The following GRWD1 variants were observed in gnomAD, a reference collection of about 807,000 sequenced individuals.
GRWD1 encodes the protein glutamate-rich WD repeat-containing protein 1.
In GRWD1, 29 loss-of-function variants were observed where a neutral mutation model predicts 45.3. The observed-to-expected ratio is 0.64, with a 90% CI of 0.48 to 0.87. GRWD1 has a LOEUF of 0.87. Among genes scored for constraint, GRWD1 ranks in the 40% least tolerant of loss-of-function variants. The probability of loss-of-function intolerance (pLI) is 0.00; values close to 1 mark genes in which losing one functional copy is unlikely to be tolerated. For missense variants in GRWD1, 592 were observed against 618.8 expected, an observed-to-expected ratio of 0.96 and a Z score of 0.46; for synonymous variants, 262 against 257.6, an observed-to-expected ratio of 1.02 and a Z score of -0.16.
chr19:48,447,443 A>G (rs1447976414), intron 3 of GRWD1, among the ~76,000 whole-genome samples: 1 of 151,144 alleles, frequency 6.6e-6, no homozygotes, highest in Non-Finnish European at 1.5e-5. Flanking sequence ...GGGTTTCACA[A>G]TGTTGATCAG....
At position 48,450,723 on chromosome 19, in the gene GRWD1, G is replaced by A. The variant is rs1569079124; in HGVS notation, c.740G>A (p.Gly247Asp). Residue 247 changes from glycine to aspartate, a missense_variant, in exon 5 of 7, where the codon GGC becomes GAC. Physicochemically the swap from Gly to Asp is moderately conservative, Grantham distance 94 (BLOSUM62 -1). Coordinates refer to ENST00000253237, the MANE Select transcript of GRWD1 (RefSeq NM_031485.4). This position sits in a 1 kb window ranked among gnomAD's most constrained non-coding sequence, Gnocchi z 5.1. The part of the protein sequence containing the change: ...KNIHLWTPTD[G>D]GSWHVDQRPF... ...ATCCACCTCTGGACACCTACGGACG[G>A]CGGCTCCTGGCACGTGGACCAGCGG... The A allele has an allele frequency of 6.2e-7, 1 of 1,614,094 alleles. No homozygotes were observed. The highest frequency in any genetic ancestry group is 8.5e-7 in the Non-Finnish European group (1 of 1,180,034).
At chr19:48,448,759 CG>C (rs1434341279) in intron 3 of GRWD1, among the ~76,000 whole-genome samples, 11 of 152,104 alleles carry the variant, frequency 7.2e-5, no homozygotes, top group Non-Finnish European at 1.5e-4. Flanking sequence ...TCAAGTGAAG[CG>C]GGAGTGTCCA....
intron 3 of GRWD1, among the ~76,000 whole-genome samples, chr19:48,447,322 C>G (rs1400629850): frequency 6.6e-6 from 1 of 152,120 alleles, no homozygotes; most frequent in African/African-American, 2.4e-5. Flanking sequence ...TCTCAGCTCA[C>G]TGCAACCTCT....
Position 48,450,894 on chromosome 19 carries a change from C to T in GRWD1, c.825+86C>T. 1.3e-6 allele frequency: 2 copies of T among 1,515,498 alleles called. No individual in the cohort carries two copies. The highest frequency in any genetic ancestry group is 1.9e-5 in the Admixed American group (1 of 51,292). The allele number at this position is 1,515,498 out of a possible 1,614,324, so 93.9% of individuals were successfully genotyped here. A position where few individuals can be genotyped will look rare whatever the true frequency, so the allele number is the denominator to read the frequency against. On this transcript the variant is annotated intron_variant, in intron 5 of 6. Coordinates refer to ENST00000253237, the MANE Select transcript of GRWD1 (RefSeq NM_031485.4). This position sits in a 1 kb window ranked among gnomAD's most constrained non-coding sequence, Gnocchi z 5.1. ...ATCCTAGGTCTGAGGGAAAAGAGGG[C>T]TGGGAGCCTGACGGAGGTTTAGTTT...
rs1021760723 is a variant in GRWD1, at chr19:48,455,373, G to A, written c.*2348G>A. The A allele has an allele frequency of 6.9e-6, 1 of 145,334 alleles. No individual in the cohort carries two copies. The highest frequency in any genetic ancestry group is 2.5e-5 in the African/African-American group (1 of 40,312). The allele number at this position is 145,334 out of a possible 1,614,324, so 9.0% of individuals were successfully genotyped here. A position where few individuals can be genotyped will look rare whatever the true frequency, so the allele number is the denominator to read the frequency against. ...CCCCTGGTTTCGGAAGAGTGAGAGT[G>A]TTGATTTGGGAGGGTGAGGGTGGGG... On this transcript the variant is annotated 3_prime_UTR_variant, in exon 7 of 7. Coordinates refer to ENST00000253237, the MANE Select transcript of GRWD1 (RefSeq NM_031485.4).
At position 48,454,239 on chromosome 19, in the gene GRWD1, CTG is replaced by C. The variant is rs374272933; in HGVS notation, c.*1218_*1219del. 3 of 152,310 alleles carry C rather than the reference CTG, an allele frequency of 2.0e-5. No homozygotes were observed. The highest frequency in any genetic ancestry group is 2.9e-5 in the Non-Finnish European group (2 of 68,146). The allele number at this position is 152,310 out of a possible 1,614,324, so 9.4% of individuals were successfully genotyped here. On this transcript the variant is annotated 3_prime_UTR_variant, in exon 7 of 7. Transcript: ENST00000253237. ...TTTATCACGTTTCTTTCTTTCTTCTCTGTGTCCCCCTCTTTCAGAGTCTCCCG... is the reference window on the plus strand; with the variant it reads ...TTTATCACGTTTCTTTCTTTCTTCTCTGTCCCCCTCTTTCAGAGTCTCCCG...
Position 48,446,425 on chromosome 19 carries a change from GGGAGACAACC to G in GRWD1, c.232_241del (p.Asp78GlnfsTer23). The G allele has an allele frequency of 6.2e-7, 1 of 1,614,156 alleles. No individual in the cohort carries two copies. The highest frequency in any genetic ancestry group is 8.5e-7 in the Non-Finnish European group (1 of 1,180,034). On this transcript the variant is annotated frameshift_variant, in exon 2 of 7. Coordinates refer to ENST00000253237, the MANE Select transcript of GRWD1 (RefSeq NM_031485.4). LOFTEE classifies it high-confidence loss of function. ...GCTTTGACATAGTCCGGGATCACCT[GGGAGACAACC>G]GGACAGAGCTTCCTCTTACACTTTA... is the stretch of plus-strand genomic sequence containing the variant.
At chr19:48,446,228 G>A (rs751513065) in intron 1 of GRWD1, 36 bp downstream of exon 1, 1 of 1,581,782 alleles carries the variant, frequency 6.3e-7, no homozygotes, top group Non-Finnish European at 8.6e-7. Context: ...TCCTGAGGTG[G>A]CTGATCCCGA....
In GRWD1 at chr19:48,451,042, C is replaced by T. The variant is rs1176389367; in HGVS notation, c.834C>T (p.Ala278=). Residue 278 remains alanine (A), a synonymous_variant, in exon 6 of 7, where the codon GCC becomes GCT. Coordinates refer to ENST00000253237, the MANE Select transcript of GRWD1 (RefSeq NM_031485.4). ...GACTCCGCCTCCCCCAGGTGTTTGC[C>T]TCCTGCTCAGCTGACGCCTCCATCC... ...QWSPTENTVF[A]SCSADASIRI... is the part of the protein sequence containing the mutation. 3 of 1,613,202 alleles carry T rather than the reference C, an allele frequency of 1.9e-6. No homozygotes were observed. The highest frequency in any genetic ancestry group is 3.3e-5 in the Admixed American group (2 of 59,942).
chr19:48,446,199 C>T lies in GRWD1; in HGVS notation c.187+7C>T. 2 of 1,592,300 alleles carry T rather than the reference C, an allele frequency of 1.3e-6. No individual in the cohort carries two copies. The highest frequency in any genetic ancestry group is 1.7e-6 in the Non-Finnish European group (2 of 1,172,288). On this transcript the variant is annotated splice_region_variant and intron_variant, in intron 1 of 6. Transcript: ENST00000253237. The stretch of plus-strand genomic sequence containing the variant: ...TACCACCGAGCGCAGACTGGTAGGG[C>T]TGAGTCCGGACTCCAGGGTCCTGAG...
At chr19:48,451,961 T>C (rs529357102) in intron 6 of GRWD1, among the ~76,000 whole-genome samples, 13 of 152,288 alleles carry the variant, frequency 8.5e-5, no homozygotes, top group African/African-American at 3.1e-4. Flanking sequence ...GGGCCTTTGC[T>C]GTAGTGAAAG....
chr19:48,446,499 A>G lies in GRWD1; in HGVS notation c.302A>G (p.Asn101Ser), dbSNP rs1205314817. 3.1e-6 allele frequency: 5 copies of G among 1,613,668 alleles called. No homozygotes were observed. The highest frequency in any genetic ancestry group is 1.7e-4 in the Middle Eastern group (1 of 6,060). The change falls in exon 2 of 7, where the codon AAC becomes AGC. Residue 101 changes from asparagine to serine, a missense_variant. Coordinates refer to ENST00000253237, the MANE Select transcript of GRWD1 (RefSeq NM_031485.4). Reference sequence around the variant, plus strand: ...ACCCAGGCTGAGAGCGCCCAGAGCAACAGGTAAGACCCGAGGCTTTTCCAG... The same window carrying G: ...ACCCAGGCTGAGAGCGCCCAGAGCAGCAGGTAAGACCCGAGGCTTTTCCAG... ...AGTQAESAQS[N>S]RLMMLRMHNL...
In GRWD1 at chr19:48,453,097, T is replaced by G. The variant is rs2147487343; in HGVS notation, c.*72T>G. 1 of 1,369,896 alleles carries G rather than the reference T, an allele frequency of 7.3e-7. No individual in the cohort carries two copies. The highest frequency in any genetic ancestry group is 9.9e-7 in the Non-Finnish European group (1 of 1,005,740). 84.9% of individuals were successfully genotyped at this position (1,369,896 alleles called of 1,614,324 possible). A position where few individuals can be genotyped will look rare whatever the true frequency, so the allele number is the denominator to read the frequency against. ...CGAATTGGGCTCCCCTGGAAGGGGT[T>G]CATTCAGGTCTGTTGACTGAGACTG... On this transcript the variant is annotated 3_prime_UTR_variant, in exon 7 of 7. Coordinates refer to ENST00000253237, the MANE Select transcript of GRWD1 (RefSeq NM_031485.4).
chr19:48,446,111 G>T lies in GRWD1; in HGVS notation c.106G>T (p.Gly36Cys). Residue 36 changes from glycine to cysteine, a missense_variant, in exon 1 of 7, where the codon GGC becomes TGC. Coordinates refer to ENST00000253237, the MANE Select transcript of GRWD1 (RefSeq NM_031485.4). ...GGGCCCGGCCCAGGTCTACCTGCCCGGCCGGGGGCCGCCGCTACGCGAAGG... is the reference window on the plus strand; with the variant it reads ...GGGCCCGGCCCAGGTCTACCTGCCCTGCCGGGGGCCGCCGCTACGCGAAGG... ...SEGPAQVYLP[G>C]RGPPLREGEE... is the part of the protein sequence containing the mutation. The T allele has an allele frequency of 5.0e-6, 8 of 1,592,836 alleles. No homozygotes were observed. The highest frequency in any genetic ancestry group is 6.8e-6 in the Non-Finnish European group (8 of 1,172,474).
At chr19:48,446,336 A>T in intron 1 of GRWD1, 49 bp from the exon 2 acceptor site, 6 of 1,573,598 alleles carry the variant, frequency 3.8e-6, no homozygotes, top group Non-Finnish European at 5.2e-6. Flanking sequence ...GTGGGGACTG[A>T]GCTCTTACTG....
rs1048462777 is a variant in GRWD1, at chr19:48,453,190, C to T, written c.*165C>T. The T allele has an allele frequency of 3.2e-6, 2 of 618,678 alleles. No homozygotes were observed. Among genetic ancestry groups the T allele is most frequent in the Non-Finnish European group, 5.5e-6 (2 of 362,850 alleles). 38.3% of individuals were successfully genotyped at this position (618,678 alleles called of 1,614,324 possible). ...GTTCTCTAGAAGGCCTGGCTCTGATCCAGTGACCCCTCTCACCAAAGAACT... is the reference window on the plus strand; with the variant it reads ...GTTCTCTAGAAGGCCTGGCTCTGATTCAGTGACCCCTCTCACCAAAGAACT... On this transcript the variant is annotated 3_prime_UTR_variant, in exon 7 of 7. Coordinates refer to ENST00000253237, the MANE Select transcript of GRWD1 (RefSeq NM_031485.4).
In GRWD1 at chr19:48,452,687, C is replaced by T. The variant is rs771033161; in HGVS notation, c.1024-21C>T. The T allele has an allele frequency of 3.3e-6, 5 of 1,537,342 alleles. No homozygotes were observed. In the South Asian group the frequency reaches 5.0e-5, roughly 15 times the overall value. On this transcript the variant is annotated intron_variant, in intron 6 of 6. Transcript: ENST00000253237. This position sits in a 1 kb window ranked among gnomAD's most constrained non-coding sequence, Gnocchi z 5.1. ...CAGGCTGAGGCATTCAGAGCCCGTT[C>T]CTCCCATCCTCTCCCTCTAGTCTGG...
At position 48,450,562 on chromosome 19, in the gene GRWD1, C is replaced by T. The variant is rs55916422; in HGVS notation, c.682+36C>T. On this transcript the variant is annotated intron_variant, in intron 4 of 6. Coordinates refer to ENST00000253237, the MANE Select transcript of GRWD1 (RefSeq NM_031485.4). This position sits in a 1 kb window ranked among gnomAD's most constrained non-coding sequence, Gnocchi z 5.1. ...GGGGTGTTCAGGAGTCCCGGGAGGT[C>T]GGGGGAGCAGGGTCTGCAACAAGGG... is the stretch of plus-strand genomic sequence containing the variant. 1.4e-3 allele frequency: 2,311 copies of T among 1,611,806 alleles called. 27 individuals carry two copies. The African/African-American group carries it at 0.026, about 18-fold the overall frequency.
Position 48,452,857 on chromosome 19 carries a change from G to A in GRWD1, c.1173G>A (p.Ala391=), listed in dbSNP as rs778176932. ...TGGCAGTGGAGCGGGACCCTGAGGC[G>A]GGCGACGTGGAGGCCGACCCCGGAC... ...WDLAVERDPE[A]GDVEADPGLA... is the part of the protein sequence containing the mutation. The change falls in exon 7 of 7, where the codon GCG becomes GCA. Residue 391 remains alanine, a synonymous_variant. Transcript: ENST00000253237. The surrounding 1 kb of genome is among the most constrained non-coding windows in gnomAD (Gnocchi z 5.1). The A allele has an allele frequency of 3.3e-5, 54 of 1,613,104 alleles. No individual in the cohort carries two copies. The highest frequency in any genetic ancestry group is 1.6e-4 in the African/African-American group (12 of 75,050).
Sources: allele counts gnomAD v4.1 joint callset (sites outside exome capture counted in the v4.1 genomes callset), GRCh38; gene constraint gnomAD v4.1.1; non-coding constraint Gnocchi (gnomAD v3.1); transcripts MANE v1.5; gene names NCBI Gene and HGNC (gene_info 2026-07-23, HGNC 2026-07-21).